Variants in PARD3 observed in about 807,000 individuals in gnomAD.
PARD3 encodes the protein par-3 family cell polarity regulator.
Under a neutral mutation model 155.4 loss-of-function variants are expected in PARD3, and 75 were observed. The ratio of observed to expected loss-of-function variants is 0.48; its 90% CI spans 0.40 to 0.58. The LOEUF is 0.58. Ranked by LOEUF, PARD3 falls within the 20% of genes least tolerant of loss-of-function variation. The pLI is 0.00. For missense variants in PARD3, 1,642 were observed against 1,721.7 expected, an observed-to-expected ratio of 0.95 and a Z score of 0.82; for synonymous variants, 576 against 610.5, an observed-to-expected ratio of 0.94 and a Z score of 0.83.
chr10:34,623,165 G>C (rs139120015), intron 2 of PARD3, among the ~76,000 whole-genome samples: 3 of 152,214 alleles, frequency 2.0e-5, no homozygotes, highest in East Asian at 1.9e-4. Context: ...GCTGGGCTTC[G>C]ACAGTCGAAA....
intron 1 of PARD3, among the ~76,000 whole-genome samples, chr10:34,754,006 T>G (rs1836387275): frequency 6.6e-6 from 1 of 151,952 alleles, no homozygotes. Flanking sequence ...ACATATGGAA[T>G]TCTGGTTTTA....
At chr10:34,665,514 A>G (rs2093428867) in intron 2 of PARD3, among the ~76,000 whole-genome samples, 1 of 149,838 alleles carries the variant, frequency 6.7e-6, no homozygotes, top group Admixed American at 6.7e-5. Context: ...GAGCAAAACT[A>G]CATCACAAAA....
intron 2 of PARD3, among the ~76,000 whole-genome samples, chr10:34,640,735 A>AAAAAAAAAC (rs1396115260): frequency 6.9e-6 from 1 of 144,688 alleles, no homozygotes; most frequent in Non-Finnish European, 1.5e-5. Flanking sequence ...AAAAAAAAAA[A>AAAAAAAAAC]AGCACTTTTA....
At chr10:34,740,934 G>T (rs11009908) in intron 1 of PARD3, among the ~76,000 whole-genome samples, 42,234 of 151,898 alleles carry the variant, frequency 0.28, 7,216 homozygotes, top group Non-Finnish European at 0.38. Context: ...GGTAATGTTG[G>T]TGTCTCAAAT....
chr10:34,659,706 C>T (rs1476936025), intron 2 of PARD3, among the ~76,000 whole-genome samples: 3 of 152,090 alleles, frequency 2.0e-5, no homozygotes, highest in Non-Finnish European at 2.9e-5. Context: ...CTGAAAAAGC[C>T]ACCAAGCTCC....
At chr10:34,788,513 G>A (rs929318811) in intron 1 of PARD3, among the ~76,000 whole-genome samples, 15 of 150,444 alleles carry the variant, frequency 1.0e-4, no homozygotes, top group African/African-American at 2.2e-4. Flanking sequence ...GCAGTGGCAC[G>A]ATCGCGGCTC....
Position 34,696,397 on chromosome 10 carries a change from A to T in PARD3, c.143T>A (p.Val48Glu). ...TCCATCTCCATGTTCCAAGCGATGC[A>T]CCTGTATCCAGTAGTTTGGATCCTA... ...IAKDPNYWIQ[V>E]HRLEHGDGGI... Residue 48 changes from valine (V) to glutamate (E), a missense_variant, in exon 2 of 25, where the codon GTG becomes GAG. Physicochemically the swap from Val to Glu is moderately radical, Grantham distance 121. Transcript: ENST00000374788. 6.2e-7 allele frequency: 1 copy of T among 1,609,364 alleles called. No homozygotes were observed. Among genetic ancestry groups the T allele is most frequent in the Non-Finnish European group, 8.5e-7 (1 of 1,175,712 alleles).
At chr10:34,374,517 G>C (rs913421459) in intron 11 of PARD3, among the ~76,000 whole-genome samples, 4 of 152,166 alleles carry the variant, frequency 2.6e-5, no homozygotes, top group African/African-American at 9.7e-5. Flanking sequence ...GTCATATGCA[G>C]TGTGGAAGAT....
chr10:34,608,654 C>G (rs1485270828), intron 2 of PARD3, among the ~76,000 whole-genome samples: 6 of 151,238 alleles, frequency 4.0e-5, no homozygotes, highest in East Asian at 1.9e-4. Flanking sequence ...CCTGCTTCAG[C>G]CTCCCGAGTA....
intron 3 of PARD3, among the ~76,000 whole-genome samples, chr10:34,479,344 G>A (rs1564759249): frequency 6.6e-6 from 1 of 151,794 alleles, no homozygotes; most frequent in Non-Finnish European, 1.5e-5. Context: ...TGTATTTTTA[G>A]TAGAGACAGG....
chr10:34,215,748 AAGAT>A (rs1309230063), intron 22 of PARD3, among the ~76,000 whole-genome samples: 4 of 152,240 alleles, frequency 2.6e-5, no homozygotes, highest in Admixed American at 6.5e-5. Context: ...TTAATCAAAA[AAGAT>A]AGCGAATTAT....
intron 22 of PARD3, among the ~76,000 whole-genome samples, chr10:34,206,901 T>C (rs1951505527): frequency 1.3e-5 from 2 of 152,132 alleles, no homozygotes; most frequent in African/African-American, 2.4e-5. Flanking sequence ...ACCTCACTAC[T>C]AGATCGAGGT....
chr10:34,504,609 G>C (rs1231673594), intron 3 of PARD3, among the ~76,000 whole-genome samples: 3 of 152,056 alleles, frequency 2.0e-5, no homozygotes. Context: ...CCCAGAGAGA[G>C]ACTACCAGCT....
intron 22 of PARD3, among the ~76,000 whole-genome samples, chr10:34,233,017 A>ATTTTTTTTTTTTTTTTT (rs3039283): frequency 3.1e-5 from 3 of 96,172 alleles, no homozygotes; most frequent in African/African-American, 4.4e-5. Context: ...TCAAATGTTA[A>ATTTTTTTTTTTTTTTTT]TTTTTTTTTT....
chr10:34,442,238 A>T (rs1432340810), intron 5 of PARD3, among the ~76,000 whole-genome samples: 4 of 152,176 alleles, frequency 2.6e-5, no homozygotes, highest in South Asian at 2.1e-4. Flanking sequence ...AACCCAAAAA[A>T]CCCACATCTT....
chr10:34,272,841 G>A (rs993136618), intron 21 of PARD3, among the ~76,000 whole-genome samples: 1 of 152,156 alleles, frequency 6.6e-6, no homozygotes, highest in Non-Finnish European at 1.5e-5. Context: ...TCACTGAAGA[G>A]GACATATGGA....
At chr10:34,797,206 A>G (rs868738512) in intron 1 of PARD3, among the ~76,000 whole-genome samples, 118 of 152,326 alleles carry the variant, frequency 7.7e-4, no homozygotes, top group African/African-American at 2.7e-3. Flanking sequence ...GCTGCAGTGC[A>G]GGGGCACAAC....
At chr10:34,324,579 A>C (rs1320787016) in intron 19 of PARD3, among the ~76,000 whole-genome samples, 2 of 152,160 alleles carry the variant, frequency 1.3e-5, no homozygotes, top group Admixed American at 6.5e-5. Flanking sequence ...ATCTAGAGAC[A>C]GGAGGCCCAG....
intron 14 of PARD3, among the ~76,000 whole-genome samples, chr10:34,357,959 C>A (rs1839063405): frequency 6.6e-6 from 1 of 152,118 alleles, no homozygotes. Flanking sequence ...GAAAACGGTG[C>A]TTTATGTGTT....
Sources: allele counts gnomAD v4.1 joint callset (sites outside exome capture counted in the v4.1 genomes callset), GRCh38; gene constraint gnomAD v4.1.1; transcripts MANE v1.5; gene names NCBI Gene and HGNC (gene_info 2026-07-23, HGNC 2026-07-21).